The following GALNT2 variants were observed in gnomAD, a reference collection of about 807,000 sequenced individuals.
GALNT2 encodes the protein polypeptide N-acetylgalactosaminyltransferase 2.
In GALNT2, 31 loss-of-function variants were observed where a neutral mutation model predicts 81.4. That is an observed-to-expected ratio of 0.38 (90% confidence interval 0.29 to 0.51). The LOEUF (loss-of-function observed/expected upper bound fraction) is 0.51, where lower values mean the gene tolerates loss of function less well. GALNT2 is among the 20% of genes least tolerant of loss of function. The pLI, the probability that GALNT2 is intolerant of heterozygous loss-of-function variation, is 0.87. For synonymous variants in GALNT2, 303 were observed against 287.4 expected (o/e 1.05, Z -0.55); for missense variants, 629 against 765.7 (o/e 0.82, Z 2.11).
At chr1:230,089,875 C>T (rs188028945) in intron 1 of GALNT2, among the ~76,000 whole-genome samples, 31 of 152,316 alleles carry the variant, frequency 2.0e-4, no homozygotes, top group African/African-American at 7.2e-4. Context: ...CATTTCCCTT[C>T]GAGACCCTGC....
At chr1:230,187,544 T>TA (rs1663374256) in intron 2 of GALNT2, among the ~76,000 whole-genome samples, 1 of 152,178 alleles carries the variant, frequency 6.6e-6, no homozygotes, top group African/African-American at 2.4e-5. Context: ...GGGCATATGT[T>TA]ACAGTGTGCT....
intron 3 of GALNT2, among the ~76,000 whole-genome samples, chr1:230,208,243 G>C (rs985553513): frequency 2.0e-5 from 3 of 152,144 alleles, no homozygotes; most frequent in African/African-American, 4.8e-5. Flanking sequence ...TAGCATTGGT[G>C]GTGGTGAGAA....
chr1:230,060,376 G>A (rs977139742), intron 1 of GALNT2, among the ~76,000 whole-genome samples: 2 of 152,032 alleles, frequency 1.3e-5, no homozygotes, highest in Non-Finnish European at 2.9e-5. Flanking sequence ...TCCTTGGCCA[G>A]AATACAAAAA....
intron 3 of GALNT2, among the ~76,000 whole-genome samples, chr1:230,209,057 T>A (rs1185611174): frequency 6.6e-6 from 1 of 150,920 alleles, no homozygotes. Context: ...AAAAAAAGCA[T>A]GTTGAAGTTG....
At chr1:230,095,276 T>G (rs1390136209) in intron 1 of GALNT2, among the ~76,000 whole-genome samples, 1 of 152,154 alleles carries the variant, frequency 6.6e-6, no homozygotes. Context: ...TAACCCCACA[T>G]GCTGACCATG....
chr1:230,123,523 C>T (rs771739374), intron 1 of GALNT2, among the ~76,000 whole-genome samples: 47 of 152,040 alleles, frequency 3.1e-4, no homozygotes, highest in Non-Finnish European at 2.8e-4. Flanking sequence ...TGTGTGTTGC[C>T]CGCACAGCTA....
At chr1:230,208,030 C>T (rs560365859) in intron 3 of GALNT2, among the ~76,000 whole-genome samples, 1 of 152,122 alleles carries the variant, frequency 6.6e-6, no homozygotes, top group Non-Finnish European at 1.5e-5. Flanking sequence ...TATCCCTCAC[C>T]TCTAACAGTG....
In GALNT2 at chr1:230,190,046, A is replaced by G. The variant is rs138071118; in HGVS notation, c.220+11735A>G. On this transcript the variant is annotated intron_variant, in intron 2 of 15. Coordinates refer to ENST00000366672, the MANE Select transcript of GALNT2 (RefSeq NM_004481.5). ...AACCGTGTGACACTTGTGGGGAGCG[A>G]AGTCTACGTAGTTCTTCATGAGCCA... is the stretch of plus-strand genomic sequence containing the variant. 3.2e-3 allele frequency among the ~76,000 whole-genome samples: 487 copies of G among 152,264 alleles called. 3 individuals carry two copies. Among genetic ancestry groups the G allele is most frequent in the African/African-American group, 0.011 (473 of 41,554 alleles).
chr1:230,114,219 G>A (rs910275164), intron 1 of GALNT2, among the ~76,000 whole-genome samples: 1 of 152,140 alleles, frequency 6.6e-6, no homozygotes, highest in African/African-American at 2.4e-5. Context: ...TTTTCAGTTC[G>A]TCTTCCTGGT....
At chr1:230,118,453 A>G (rs1299065571) in intron 1 of GALNT2, among the ~76,000 whole-genome samples, 3 of 152,196 alleles carry the variant, frequency 2.0e-5, no homozygotes, top group African/African-American at 4.8e-5. Flanking sequence ...GTGCAAGCCT[A>G]TTTTTTGACC....
chr1:230,163,410 G>A (rs1161996200), intron 1 of GALNT2, among the ~76,000 whole-genome samples: 1 of 152,230 alleles, frequency 6.6e-6, no homozygotes, highest in African/African-American at 2.4e-5. Context: ...AGGTCACTCC[G>A]GCGATCTCTC....
intron 14 of GALNT2, 59 bp downstream of exon 14, chr1:230,265,426 G>T (rs1279001006): frequency 6.8e-6 from 11 of 1,607,252 alleles, no homozygotes; most frequent in Non-Finnish European, 9.4e-6. Context: ...AGTTGGGGGG[G>T]TCCTGATGTT....
upstream of GALNT2, among the ~76,000 whole-genome samples, chr1:230,063,522 C>G (rs1365355230): frequency 6.6e-6 from 1 of 152,126 alleles, no homozygotes; most frequent in Non-Finnish European, 1.5e-5. Flanking sequence ...TCACATCTAG[C>G]TATTCTTCTG....
intron 1 of GALNT2, chr1:230,091,508 T>C (rs1165784844): frequency 6.6e-6 from 1 of 152,224 alleles, no homozygotes; most frequent in East Asian, 1.9e-4. Flanking sequence ...GTGTATAGAA[T>C]CAATACCCTC....
intron 1 of GALNT2, among the ~76,000 whole-genome samples, chr1:230,106,787 A>C (rs964333778): frequency 6.6e-6 from 1 of 151,962 alleles, no homozygotes; most frequent in Non-Finnish European, 1.5e-5. Context: ...TGTCTTGCCC[A>C]GTGTGGGGAT....
Position 230,243,421 on chromosome 1 carries a change from G to A in GALNT2, c.723G>A (p.Val241=), listed in dbSNP as rs1373415689. The A allele has an allele frequency of 1.9e-6, 3 of 1,611,580 alleles. No homozygotes were observed. Among genetic ancestry groups the A allele is most frequent in the East Asian group, 2.2e-5 (1 of 44,842 alleles). ...EHWLEPLLER[V]AEDRTRVVSP... ...GGCTGGAGCCCCTCCTGGAAAGGGT[G>A]GCGGAGGTGAGATGACGGGGGCTGG... The change falls in exon 7 of 16, where the codon GTG becomes GTA. Residue 241 remains valine, a synonymous_variant. Transcript: ENST00000366672. The surrounding 1 kb of genome is among the most constrained non-coding windows in gnomAD (Gnocchi z 4.2).
rs555730520 is a variant in GALNT2 at position 230,143,754 on chromosome 1, C to T, written c.127-34464C>T. Among the ~76,000 whole-genome samples the T allele has an allele frequency of 4.6e-5, 7 of 152,364 alleles. No individual in the cohort carries two copies. The South Asian group carries it at 1.5e-3, about 32-fold the overall frequency. ...GTATTGTGCTTGTCTTTATCTGCCA[C>T]ACGCACGTGGGTGACATTGATGCGC... is the stretch of plus-strand genomic sequence containing the variant. On this transcript the variant is annotated intron_variant, in intron 1 of 15. Coordinates refer to ENST00000366672, the MANE Select transcript of GALNT2 (RefSeq NM_004481.5).
intron 3 of GALNT2, among the ~76,000 whole-genome samples, chr1:230,222,345 C>T (rs1391850742): frequency 2.6e-5 from 4 of 152,066 alleles, no homozygotes; most frequent in Admixed American, 6.5e-5. Context: ...CTGCACTCCC[C>T]CTGCCCCATG....
chr1:230,147,354 C>T (rs1661952688), intron 1 of GALNT2, among the ~76,000 whole-genome samples: 2 of 152,242 alleles, frequency 1.3e-5, no homozygotes, highest in Middle Eastern at 3.2e-3. Context: ...TGTGTTCAAA[C>T]CTTCTAGCTG....
Sources: allele counts gnomAD v4.1 joint callset (sites outside exome capture counted in the v4.1 genomes callset), GRCh38; gene constraint gnomAD v4.1.1; non-coding constraint Gnocchi (gnomAD v3.1); transcripts MANE v1.5; gene names NCBI Gene and HGNC (gene_info 2026-07-23, HGNC 2026-07-21).